SLC25A48: variants seen among roughly 807,000 people sequenced by gnomAD.
SLC25A48 encodes the protein solute carrier family 25 member 48, also known as CTC-321K16.1.
In SLC25A48, 29 loss-of-function variants were observed where a neutral mutation model predicts 32.2. The observed-to-expected ratio is 0.90, with a 90% CI of 0.67 to 1.23. The LOEUF (loss-of-function observed/expected upper bound fraction) is 1.23, where lower values mean the gene tolerates loss of function less well. Ranked by LOEUF, SLC25A48 falls within the 50% of genes most tolerant of loss-of-function variation. The pLI is 0.00. For missense variants in SLC25A48, 399 were observed against 422.7 expected (o/e 0.94, Z 0.49); for synonymous variants, 164 against 172.3 (o/e 0.95, Z 0.38).
rs574030002 is a variant in SLC25A48, at chr5:135,585,385, T to C, written c.-849+5788T>C. On this transcript the variant is annotated intron_variant, in intron 1 of 10. Transcript: ENST00000646290. ...ATTTTACAGGGAAGCCCTCCTTGAC[T>C]GCACACATCTGCCTGACTCCCGTCC... Among the ~76,000 whole-genome samples, 583 of 152,326 alleles carry C rather than the reference T, an allele frequency of 3.8e-3. 1 individual carries two copies. The highest frequency in any genetic ancestry group is 6.4e-3 in the Non-Finnish European group (435 of 68,034).
chr5:135,667,970 C>A lies in SLC25A48; in HGVS notation c.-521+33014C>A, dbSNP rs1448854606. On this transcript the variant is annotated intron_variant, in intron 3 of 10. Coordinates refer to the SLC25A48 transcript ENST00000646290. ...TGCATGGGCTTTGTGACTGCTCTTTCCTGAGTATAAAATCTATTTAGAAAT... is the reference window on the plus strand; with the variant it reads ...TGCATGGGCTTTGTGACTGCTCTTTACTGAGTATAAAATCTATTTAGAAAT... 3.3e-5 allele frequency among the ~76,000 whole-genome samples: 5 copies of A among 152,268 alleles called. No homozygotes were observed. In the East Asian group the frequency reaches 9.7e-4, roughly 29 times the overall value.
chr5:135,603,554 G>C (rs557158985), intron 1 of SLC25A48, among the ~76,000 whole-genome samples: 1 of 152,302 alleles, frequency 6.6e-6, no homozygotes, highest in East Asian at 1.9e-4. Flanking sequence ...GCCCCTCCCT[G>C]TGTCTGGTGG....
chr5:135,605,971 C>G (rs1373749262), intron 1 of SLC25A48, among the ~76,000 whole-genome samples: 1 of 152,118 alleles, frequency 6.6e-6, no homozygotes, highest in African/African-American at 2.4e-5. Flanking sequence ...ATTTGAACAC[C>G]CCAAATGGGC....
At chr5:135,876,695 T>C (rs1002878868) in intron 6 of SLC25A48, among the ~76,000 whole-genome samples, 8 of 152,222 alleles carry the variant, frequency 5.3e-5, no homozygotes, top group African/African-American at 1.9e-4. Context: ...AAAGAATATA[T>C]GTGTATGTAC....
intron 2 of SLC25A48, among the ~76,000 whole-genome samples, chr5:135,850,045 G>A (rs1759715500): frequency 6.6e-6 from 1 of 152,190 alleles, no homozygotes; most frequent in Non-Finnish European, 1.5e-5. Context: ...TGAGGCCTAG[G>A]GTGGTGGTTC....
chr5:135,727,877 C>A (rs576090937), intron 3 of SLC25A48, among the ~76,000 whole-genome samples: 2 of 152,176 alleles, frequency 1.3e-5, no homozygotes, highest in South Asian at 4.2e-4. Flanking sequence ...GTTTCTTTGC[C>A]GTTCCAAATT....
At chr5:135,814,224 C>T (rs1757660707) in intron 4 of SLC25A48, among the ~76,000 whole-genome samples, 1 of 152,176 alleles carries the variant, frequency 6.6e-6, no homozygotes, top group Admixed American at 6.5e-5. Flanking sequence ...CTTTTCCATG[C>T]TCCATCCTTT....
chr5:135,771,319 C>T lies in SLC25A48; in HGVS notation c.-520-41204C>T, dbSNP rs73789150. 9.8e-3 allele frequency among the ~76,000 whole-genome samples: 1,484 copies of T among 151,636 alleles called. 33 individuals are homozygous for T. Among genetic ancestry groups the T allele is most frequent in the African/African-American group, 0.034 (1,400 of 41,370 alleles). On this transcript the variant is annotated intron_variant, in intron 3 of 10. Coordinates refer to the SLC25A48 transcript ENST00000646290. Reference sequence around the variant, plus strand: ...GAGGGTGATAACACTCTCCATATCGCGGAGGGTGTACATCCCCCTGTGATA... The same window carrying T: ...GAGGGTGATAACACTCTCCATATCGTGGAGGGTGTACATCCCCCTGTGATA...
intron 3 of SLC25A48, among the ~76,000 whole-genome samples, chr5:135,852,102 T>G (rs1176399699): frequency 1.3e-5 from 2 of 152,152 alleles, no homozygotes; most frequent in African/African-American, 4.8e-5. Context: ...ATGAGCTCAG[T>G]GAGGGCGGAG....
intron 3 of SLC25A48, among the ~76,000 whole-genome samples, chr5:135,680,511 A>C (rs1321211199): frequency 6.6e-6 from 1 of 152,210 alleles, no homozygotes; most frequent in Non-Finnish European, 1.5e-5. Flanking sequence ...AGACTGGGTA[A>C]TTTATAAAGA....
At chr5:135,668,735 A>G (rs1331278658) in intron 3 of SLC25A48, among the ~76,000 whole-genome samples, 1 of 152,246 alleles carries the variant, frequency 6.6e-6, no homozygotes, top group Non-Finnish European at 1.5e-5. Flanking sequence ...AAGAATTAAA[A>G]GAGGGAGAAA....
At chr5:135,862,893 G>A (rs191090243) in intron 4 of SLC25A48, among the ~76,000 whole-genome samples, 22 of 152,274 alleles carry the variant, frequency 1.4e-4, no homozygotes. Flanking sequence ...GCTGAGGATA[G>A]GCTTAGATTA....
intron 3 of SLC25A48, among the ~76,000 whole-genome samples, chr5:135,739,341 G>A (rs914990605): frequency 1.3e-5 from 2 of 152,090 alleles, no homozygotes; most frequent in African/African-American, 2.4e-5. Flanking sequence ...CTGGGAGTCG[G>A]TGACTTTTGT....
rs1216160821 is a variant in SLC25A48 at position 135,782,799 on chromosome 5, G to A, written c.-520-29724G>A. The stretch of plus-strand genomic sequence containing the variant: ...ACTCCCAATATCCCTGGGCGTGTAC[G>A]CCTCCCCTGTGATATTATTCCTAAT... On this transcript the variant is annotated intron_variant, in intron 3 of 10. Coordinates refer to the SLC25A48 transcript ENST00000646290. Among the ~76,000 whole-genome samples the A allele has an allele frequency of 3.4e-5, 4 of 118,300 alleles. 1 individual carries two copies. Among genetic ancestry groups the A allele is most frequent in the African/African-American group, 7.7e-5 (3 of 38,854 alleles). The allele number at this position is 118,300 out of a possible 152,430, so 77.6% of individuals were successfully genotyped here.
intron 3 of SLC25A48, among the ~76,000 whole-genome samples, chr5:135,801,298 G>A (rs554274825): frequency 4.7e-5 from 7 of 150,526 alleles, no homozygotes; most frequent in African/African-American, 1.2e-4. Context: ...TTCCAATATC[G>A]CAGGGGGTGT....
intron 3 of SLC25A48, among the ~76,000 whole-genome samples, chr5:135,755,659 C>A (rs1755881578): frequency 6.6e-6 from 1 of 151,460 alleles, no homozygotes; most frequent in Non-Finnish European, 1.5e-5. Context: ...TATCTAATGA[C>A]AACGAACTAT....
intron 3 of SLC25A48, among the ~76,000 whole-genome samples, chr5:135,722,202 G>C (rs6872834): frequency 0.42 from 63,763 of 152,144 alleles, 14,712 homozygotes; most frequent in Non-Finnish European, 0.52. Context: ...GGAATCTGTT[G>C]TCTTCTCTTT....
intron 3 of SLC25A48, among the ~76,000 whole-genome samples, chr5:135,769,274 A>G (rs370630066): frequency 1.1e-3 from 163 of 150,962 alleles, no homozygotes; most frequent in African/African-American, 3.5e-3. Context: ...GGGGAGAATG[A>G]TATTACTGAC....
chr5:135,677,857 C>G (rs539519090), intron 3 of SLC25A48, among the ~76,000 whole-genome samples: 1 of 152,264 alleles, frequency 6.6e-6, no homozygotes, highest in Non-Finnish European at 1.5e-5. Context: ...CTTTCCTCAC[C>G]TGTAAGGTTT....
Sources: allele counts gnomAD v4.1 joint callset (sites outside exome capture counted in the v4.1 genomes callset), GRCh38; gene constraint gnomAD v4.1.1; transcripts MANE v1.5; gene names NCBI Gene and HGNC (gene_info 2026-07-23, HGNC 2026-07-21).